Variants in ESRRG observed in about 807,000 individuals in gnomAD.
The protein encoded by ESRRG is estrogen-related receptor gamma.
Under a neutral mutation model 44.0 loss-of-function variants are expected in ESRRG, and 13 were observed. The observed-to-expected ratio is 0.30, with a 90% CI of 0.19 to 0.47. The LOEUF is 0.47. Among genes scored for constraint, ESRRG ranks in the 20% least tolerant of loss-of-function variants. The pLI is 1.00. For synonymous variants in ESRRG, 215 were observed against 214.6 expected, an observed-to-expected ratio of 1.00 and a Z score of -0.02; for missense variants, 395 against 580.6, an observed-to-expected ratio of 0.68 and a Z score of 3.29.
intron 3 of ESRRG, among the ~76,000 whole-genome samples, chr1:216,589,897 C>T (rs1435542570): frequency 4.2e-4 from 5 of 11,820 alleles, no homozygotes; most frequent in Middle Eastern, 0.083. Context: ...GGGTGAAACT[C>T]TGTCTCAAAA....
At chr1:217,111,913 T>C (rs755140668) in intron 1 of ESRRG, among the ~76,000 whole-genome samples, 12 of 152,118 alleles carry the variant, frequency 7.9e-5, no homozygotes, top group Admixed American at 3.9e-4. Context: ...TTAAGAAACA[T>C]TGCCACTTGC....
At chr1:216,693,887 G>T (rs2079580655) in intron 1 of ESRRG, among the ~76,000 whole-genome samples, 1 of 152,118 alleles carries the variant, frequency 6.6e-6, no homozygotes, top group Admixed American at 6.5e-5. Context: ...AACAAACCAT[G>T]AATTCACACA....
At chr1:216,556,084 T>A (rs2057489486) in intron 5 of ESRRG, among the ~76,000 whole-genome samples, 1 of 152,178 alleles carries the variant, frequency 6.6e-6, no homozygotes, top group Admixed American at 6.6e-5. Flanking sequence ...TAAGCATATA[T>A]GAATTATACT....
Position 216,746,320 on chromosome 1 carries a change from A to G in ESRRG, c.-13-68829T>C, listed in dbSNP as rs935846736. Among the ~76,000 whole-genome samples, 165 of 152,318 alleles carry G rather than the reference A, an allele frequency of 1.1e-3. 2 individuals are homozygous for G. The highest frequency in any genetic ancestry group is 3.6e-3 in the African/African-American group (149 of 41,572). ...TGCTTTTCCTAGATGGAAGCAATGTATAATAGAGGAGGCCCAAGCTAGGCT... is the reference window on the plus strand; with the variant it reads ...TGCTTTTCCTAGATGGAAGCAATGTGTAATAGAGGAGGCCCAAGCTAGGCT... On this transcript the variant is annotated intron_variant, in intron 2 of 7. Transcript: ENST00000359162.
intron 2 of ESRRG, among the ~76,000 whole-genome samples, chr1:216,665,336 T>C (rs2073637252): frequency 1.3e-5 from 2 of 152,144 alleles, no homozygotes; most frequent in Admixed American, 6.5e-5. Flanking sequence ...CCCCTGCAGA[T>C]AATGGGGGAC....
chr1:216,626,922 G>A (rs1004629663), intron 3 of ESRRG, among the ~76,000 whole-genome samples: 3 of 152,144 alleles, frequency 2.0e-5, no homozygotes, highest in African/African-American at 7.2e-5. Context: ...TGGAGCTAAG[G>A]TTTATTTTTC....
intron 1 of ESRRG, among the ~76,000 whole-genome samples, chr1:216,963,989 T>A (rs2069699595): frequency 6.6e-6 from 1 of 152,056 alleles, no homozygotes; most frequent in African/African-American, 2.4e-5. Flanking sequence ...TAGGAATTAA[T>A]CAGGCAAAGA....
intron 2 of ESRRG, among the ~76,000 whole-genome samples, chr1:216,797,563 C>T (rs2094506107): frequency 6.6e-6 from 1 of 152,092 alleles, no homozygotes; most frequent in African/African-American, 2.4e-5. Flanking sequence ...GAAAAAAATC[C>T]CATTACCATA....
intron 2 of ESRRG, among the ~76,000 whole-genome samples, chr1:216,787,593 C>A (rs2094172124): frequency 9.5e-6 from 1 of 105,404 alleles, no homozygotes. Context: ...CAGAGCAAGA[C>A]TCCATCAAAA....
chr1:216,706,312 C>T (rs570568806), intron 1 of ESRRG, among the ~76,000 whole-genome samples: 1 of 152,204 alleles, frequency 6.6e-6, no homozygotes, highest in East Asian at 1.9e-4. Context: ...AAAAAACCCA[C>T]AAACGAAGCA....
At chr1:216,727,681 T>A (rs1559430130), upstream of ESRRG, among the ~76,000 whole-genome samples, 1 of 152,130 alleles carries the variant, frequency 6.6e-6, no homozygotes, top group Non-Finnish European at 1.5e-5. Context: ...TAAATTATTG[T>A]CTCGATTGGC....
At chr1:216,733,533 TTTTG>T (rs1346323396) in intron 2 of ESRRG, among the ~76,000 whole-genome samples, 1 of 152,198 alleles carries the variant, frequency 6.6e-6, no homozygotes, top group Non-Finnish European at 1.5e-5. Context: ...AATGTAAATA[TTTTG>T]TTTATTTTTA....
At chr1:216,808,714 A>G (rs1280797414) in intron 2 of ESRRG, among the ~76,000 whole-genome samples, 1 of 152,122 alleles carries the variant, frequency 6.6e-6, no homozygotes, top group East Asian at 1.9e-4. Flanking sequence ...ATGAACCACC[A>G]TGCCTGGCCT....
At chr1:216,551,459 TA>T (rs922686226) in intron 5 of ESRRG, among the ~76,000 whole-genome samples, 9 of 152,158 alleles carry the variant, frequency 5.9e-5, no homozygotes, top group African/African-American at 2.2e-4. Flanking sequence ...TCAGGCCATA[TA>T]AAATGTACTC....
chr1:217,011,057 C>A (rs999265174), intron 1 of ESRRG, among the ~76,000 whole-genome samples: 1 of 152,122 alleles, frequency 6.6e-6, no homozygotes, highest in African/African-American at 2.4e-5. Flanking sequence ...CTGACGATAC[C>A]AAGGTTACCA....
chr1:217,079,963 A>C (rs948202730), intron 1 of ESRRG, among the ~76,000 whole-genome samples: 1 of 152,176 alleles, frequency 6.6e-6, no homozygotes, highest in Non-Finnish European at 1.5e-5. Context: ...ATGAAGCTAC[A>C]CCCAGTTTAC....
chr1:216,831,981 C>T (rs2095494818), intron 2 of ESRRG, among the ~76,000 whole-genome samples: 1 of 152,222 alleles, frequency 6.6e-6, no homozygotes. Context: ...AGCTGCCTGT[C>T]TGCAAATGAT....
intron 1 of ESRRG, among the ~76,000 whole-genome samples, chr1:216,713,903 A>C (rs1431418406): frequency 6.6e-6 from 1 of 152,176 alleles, no homozygotes; most frequent in Non-Finnish European, 1.5e-5. Context: ...CATTTCGAAA[A>C]GCTCTCTCAG....
intron 1 of ESRRG, among the ~76,000 whole-genome samples, chr1:217,089,298 T>C (rs2092282442): frequency 6.6e-6 from 1 of 151,558 alleles, no homozygotes; most frequent in African/African-American, 2.4e-5. Context: ...TTTGCAGTCA[T>C]GGTAAGGCAA....
Sources: allele counts gnomAD v4.1 joint callset (sites outside exome capture counted in the v4.1 genomes callset), GRCh38; gene constraint gnomAD v4.1.1; transcripts MANE v1.5; gene names NCBI Gene and HGNC (gene_info 2026-07-23, HGNC 2026-07-21).